AKIRIN2: variants seen among roughly 807,000 people sequenced by gnomAD.
AKIRIN2 encodes akirin 2.
AKIRIN2 carries 6 observed loss-of-function variants against 29.3 expected under a neutral mutation model. The ratio of observed to expected loss-of-function variants is 0.20; its 90% CI spans 0.11 to 0.40. The LOEUF is 0.40. Ranked by LOEUF, AKIRIN2 falls within the 10% of genes least tolerant of loss-of-function variation. The pLI is 1.00. For synonymous variants in AKIRIN2, 128 were observed against 117.5 expected, an observed-to-expected ratio of 1.09 and a Z score of -0.58; for missense variants, 210 against 276.1, an observed-to-expected ratio of 0.76 and a Z score of 1.70.
intron 1 of AKIRIN2, among the ~76,000 whole-genome samples, chr6:87,695,394 AT>A (rs1771344242): frequency 6.6e-6 from 1 of 152,172 alleles, no homozygotes; most frequent in Non-Finnish European, 1.5e-5. Flanking sequence ...CTGAAATTAC[AT>A]TTTTTTCCAA....
intron 1 of AKIRIN2, among the ~76,000 whole-genome samples, chr6:87,689,608 C>T (rs1406760573): frequency 6.6e-6 from 1 of 152,176 alleles, no homozygotes; most frequent in African/African-American, 2.4e-5. Flanking sequence ...TGGTTTTACA[C>T]ATAAAGTCAG....
In AKIRIN2 at chr6:87,701,835, A is replaced by C. The variant is rs1026906878; in HGVS notation, c.-151T>G. On this transcript the variant is annotated 5_prime_UTR_variant, in exon 1 of 5. Coordinates refer to ENST00000257787, the MANE Select transcript of AKIRIN2 (RefSeq NM_018064.4). Reference sequence around the variant, plus strand: ...CGGGTCGCGGAGCGCCGGCTGTGGAAAGGAGAGCCGCTGCCGCCGCTGCCT... The same window carrying C: ...CGGGTCGCGGAGCGCCGGCTGTGGACAGGAGAGCCGCTGCCGCCGCTGCCT... 9.8e-6 allele frequency: 5 copies of C among 512,094 alleles called. No individual in the cohort carries two copies. The highest frequency in any genetic ancestry group is 2.0e-5 in the African/African-American group (1 of 49,856). 31.7% of individuals were successfully genotyped at this position (512,094 alleles called of 1,614,324 possible).
In AKIRIN2 at chr6:87,675,390, G is replaced by C. The variant is rs1649970728; in HGVS notation, c.*207C>G. 1.6e-6 allele frequency: 1 copy of C among 621,830 alleles called. No individual in the cohort carries two copies. The highest frequency in any genetic ancestry group is 1.8e-5 in the African/African-American group (1 of 54,178). The allele number at this position is 621,830 out of a possible 1,614,324, so 38.5% of individuals were successfully genotyped here. A position where few individuals can be genotyped will look rare whatever the true frequency, so the allele number is the denominator to read the frequency against. ...AAATGAGGCCACTGGTATTAATACA[G>C]GTAGCAAAGGTCCACATCCAGGTGG... On this transcript the variant is annotated 3_prime_UTR_variant, in exon 5 of 5. Transcript: ENST00000257787.
intron 1 of AKIRIN2, among the ~76,000 whole-genome samples, chr6:87,691,837 T>G (rs1175019192): frequency 6.6e-6 from 1 of 152,222 alleles, no homozygotes; most frequent in East Asian, 1.9e-4. Flanking sequence ...TGTCAGGAAT[T>G]AAGAACTGAA....
chr6:87,698,803 A>C (rs1229943615), intron 1 of AKIRIN2, among the ~76,000 whole-genome samples: 1 of 152,246 alleles, frequency 6.6e-6, no homozygotes, highest in Admixed American at 6.5e-5. Context: ...AAGAATAGTC[A>C]AGTCAAACTT....
chr6:87,696,952 G>T (rs1771377354), intron 1 of AKIRIN2, among the ~76,000 whole-genome samples: 1 of 152,008 alleles, frequency 6.6e-6, no homozygotes, highest in South Asian at 2.1e-4. Flanking sequence ...GTTGCAGTGA[G>T]CTGAGATTGC....
In AKIRIN2 at chr6:87,675,057, A is replaced by G; in HGVS notation, c.*540T>C. The G allele has an allele frequency of 9.5e-6, 1 of 105,268 alleles. No homozygotes were observed. Among genetic ancestry groups the G allele is most frequent in the African/African-American group, 4.9e-5 (1 of 20,312 alleles). 6.5% of individuals were successfully genotyped at this position (105,268 alleles called of 1,614,324 possible). A position where few individuals can be genotyped will look rare whatever the true frequency, so the allele number is the denominator to read the frequency against. ...GACTGATAGAATAAATAAAACTACA[A>G]AAAAAAAAAAAATCATACAAACCCA... On this transcript the variant is annotated 3_prime_UTR_variant, in exon 5 of 5. Coordinates refer to ENST00000257787, the MANE Select transcript of AKIRIN2 (RefSeq NM_018064.4).
At chr6:87,696,339 C>T (rs1297471255) in intron 1 of AKIRIN2, among the ~76,000 whole-genome samples, 1 of 152,142 alleles carries the variant, frequency 6.6e-6, no homozygotes, top group Non-Finnish European at 1.5e-5. Context: ...GAGGGGCTAA[C>T]CTCTAATCTA....
chr6:87,694,138 G>C (rs971952220), intron 1 of AKIRIN2, among the ~76,000 whole-genome samples: 1 of 152,112 alleles, frequency 6.6e-6, no homozygotes, highest in African/African-American at 2.4e-5. Flanking sequence ...CAACTAGTTT[G>C]ATTTTTTTGA....
At chr6:87,686,612 C>T (rs756706346) in intron 1 of AKIRIN2, among the ~76,000 whole-genome samples, 67 of 151,684 alleles carry the variant, frequency 4.4e-4, no homozygotes, top group Non-Finnish European at 3.8e-4. Context: ...TACGGTTTCG[C>T]GAACAGTTTT....
At chr6:87,682,957 C>T (rs894033918) in intron 1 of AKIRIN2, among the ~76,000 whole-genome samples, 2 of 152,094 alleles carry the variant, frequency 1.3e-5, no homozygotes, top group Non-Finnish European at 1.5e-5. Flanking sequence ...TAAAGATTTA[C>T]ATACAATAAT....
chr6:87,686,879 C>T (rs918335258), intron 1 of AKIRIN2, among the ~76,000 whole-genome samples: 6 of 151,600 alleles, frequency 4.0e-5, no homozygotes, highest in Non-Finnish European at 8.8e-5. Context: ...AACCCTGTCT[C>T]TACTAAAAAT....
intron 2 of AKIRIN2, among the ~76,000 whole-genome samples, chr6:87,679,461 G>A (rs2128301031): frequency 6.6e-6 from 1 of 152,246 alleles, no homozygotes; most frequent in East Asian, 1.9e-4. Flanking sequence ...TCTCACCACT[G>A]TACTCCAGCC....
Position 87,702,199 on chromosome 6 carries a change from C to T in AKIRIN2, c.-515G>A, listed in dbSNP as rs1428420245. 3 of 397,862 alleles carry T rather than the reference C, an allele frequency of 7.5e-6. No individual in the cohort carries two copies. The highest frequency in any genetic ancestry group is 4.1e-5 in the African/African-American group (2 of 48,620). The allele number at this position is 397,862 out of a possible 1,614,324, so 24.6% of individuals were successfully genotyped here. ...CTGCCGCAGCAGGAACCCAAGCGAA[C>T]ACGTCCAACCGCTTCCCCTCCCTCG... On this transcript the variant is annotated 5_prime_UTR_variant, in exon 1 of 5. Coordinates refer to ENST00000257787, the MANE Select transcript of AKIRIN2 (RefSeq NM_018064.4).
At chr6:87,676,447 C>CAAAAA (rs71021319) in intron 3 of AKIRIN2, among the ~76,000 whole-genome samples, 31 of 41,852 alleles carry the variant, frequency 7.4e-4, no homozygotes, top group Non-Finnish European at 8.2e-4. Flanking sequence ...GCCTGGGCAA[C>CAAAAA]AAAAAAAAAA....
Position 87,701,839 on chromosome 6 carries a change from A to T in AKIRIN2, c.-155T>A. ...TCGCGGAGCGCCGGCTGTGGAAAGGAGAGCCGCTGCCGCCGCTGCCTCCGC... is the reference window on the plus strand; with the variant it reads ...TCGCGGAGCGCCGGCTGTGGAAAGGTGAGCCGCTGCCGCCGCTGCCTCCGC... On this transcript the variant is annotated 5_prime_UTR_variant, in exon 1 of 5. Transcript: ENST00000257787. 2.0e-6 allele frequency: 1 copy of T among 495,896 alleles called. No homozygotes were observed. The highest frequency in any genetic ancestry group is 3.3e-6 in the Non-Finnish European group (1 of 299,094). The allele number at this position is 495,896 out of a possible 1,614,324, so 30.7% of individuals were successfully genotyped here.
chr6:87,676,337 C>A (rs1395372337), intron 3 of AKIRIN2, among the ~76,000 whole-genome samples: 1 of 149,046 alleles, frequency 6.7e-6, no homozygotes, highest in Non-Finnish European at 1.5e-5. Flanking sequence ...TGGTGGCAGG[C>A]CGCCTGTAGT....
intron 3 of AKIRIN2, 74 bp from the exon 4 acceptor site, chr6:87,676,005 T>C: frequency 8.0e-7 from 1 of 1,249,764 alleles, no homozygotes; most frequent in Non-Finnish European, 1.2e-6. Context: ...AAACACAAAA[T>C]ATACAGTAAA....
intron 1 of AKIRIN2, 73 bp downstream of exon 1, chr6:87,701,377 C>T: frequency 1.4e-6 from 2 of 1,438,584 alleles, no homozygotes; most frequent in Non-Finnish European, 9.2e-7. Flanking sequence ...ACCCCAGGGG[C>T]CGCATCCCAC....
Sources: gnomAD v4.1 joint callset for allele counts (sites outside exome capture counted in the v4.1 genomes callset) on GRCh38, gnomAD v4.1.1 for gene constraint, MANE v1.5 for transcripts, NCBI Gene and HGNC (gene_info 2026-07-23, HGNC 2026-07-21) for gene names.